The following AGBL1 variants were observed in gnomAD, a reference collection of about 807,000 sequenced individuals.
The protein encoded by AGBL1 is cytosolic carboxypeptidase 4.
Under a neutral mutation model 118.9 loss-of-function variants are expected in AGBL1, and 130 were observed. The ratio of observed to expected loss-of-function variants is 1.09; its 90% CI spans 0.95 to 1.26. The LOEUF is 1.26. Among genes scored for constraint, AGBL1 ranks in the 50% most tolerant of loss-of-function variants. The pLI is 0.00. For missense variants in AGBL1, 1,584 were observed against 1,298.1 expected, an observed-to-expected ratio of 1.22 and a Z score of -3.38; for synonymous variants, 555 against 478.9, an observed-to-expected ratio of 1.16 and a Z score of -2.08.
At chr15:86,980,212 T>C (rs1203944429) in intron 23 of AGBL1, among the ~76,000 whole-genome samples, 1 of 152,212 alleles carries the variant, frequency 6.6e-6, no homozygotes, top group Non-Finnish European at 1.5e-5. Context: ...TATCCAATAT[T>C]CTCTGAATAA....
intron 18 of AGBL1, among the ~76,000 whole-genome samples, chr15:86,417,824 A>G (rs544238850): frequency 6.6e-6 from 1 of 152,338 alleles, no homozygotes; most frequent in Admixed American, 6.5e-5. Context: ...GATGACCACC[A>G]TTATTATTCT....
intron 18 of AGBL1, among the ~76,000 whole-genome samples, chr15:86,506,976 C>G (rs1440037566): frequency 6.6e-6 from 1 of 151,756 alleles, no homozygotes; most frequent in East Asian, 1.9e-4. Context: ...CTATGTTTAG[C>G]TTGAAGTGTA....
intron 22 of AGBL1, among the ~76,000 whole-genome samples, chr15:86,747,952 A>T (rs2077782148): frequency 6.6e-6 from 1 of 152,182 alleles, no homozygotes; most frequent in Non-Finnish European, 1.5e-5. Context: ...TGTGCATGTG[A>T]CTTTATAGCA....
At chr15:86,923,674 A>C (rs992875619) in intron 23 of AGBL1, among the ~76,000 whole-genome samples, 4 of 152,218 alleles carry the variant, frequency 2.6e-5, no homozygotes, top group African/African-American at 9.6e-5. Context: ...CTATTCCCTG[A>C]AAGCAAGGTT....
At chr15:86,251,660 C>G (rs2078817620) in intron 7 of AGBL1, among the ~76,000 whole-genome samples, 1 of 152,006 alleles carries the variant, frequency 6.6e-6, no homozygotes, top group Admixed American at 6.5e-5. Flanking sequence ...TCTCTGTTTC[C>G]TGAGTCTCAC....
At chr15:86,180,593 A>T (rs2077538731) in intron 5 of AGBL1, among the ~76,000 whole-genome samples, 1 of 152,114 alleles carries the variant, frequency 6.6e-6, no homozygotes, top group African/African-American at 2.4e-5. Flanking sequence ...CACAGAGGAA[A>T]ACCTTTGTGA....
chr15:86,895,397 G>GT (rs552572051), intron 22 of AGBL1, among the ~76,000 whole-genome samples: 8,212 of 142,426 alleles, frequency 0.058, 330 homozygotes, highest in East Asian at 0.25. Context: ...GACATGTTTA[G>GT]TTTTTTTTTT....
intron 22 of AGBL1, among the ~76,000 whole-genome samples, chr15:86,830,719 G>A (rs532952929): frequency 1.5e-3 from 231 of 152,242 alleles, no homozygotes; most frequent in African/African-American, 5.3e-3. Context: ...TATTCTGAAC[G>A]TCTTTTATCC....
chr15:86,234,001 T>C (rs1366088372), intron 6 of AGBL1, among the ~76,000 whole-genome samples: 1 of 152,168 alleles, frequency 6.6e-6, no homozygotes, highest in South Asian at 2.1e-4. Context: ...ACAAAACTCT[T>C]GGTCACATAA....
At chr15:86,670,139 A>AT (rs2142539054) in intron 21 of AGBL1, among the ~76,000 whole-genome samples, 1 of 152,216 alleles carries the variant, frequency 6.6e-6, no homozygotes, top group Admixed American at 6.5e-5. Flanking sequence ...TTTTATGCCT[A>AT]TAGCTTCCCT....
intron 4 of AGBL1, among the ~76,000 whole-genome samples, chr15:86,158,091 T>G (rs1210177620): frequency 6.6e-6 from 1 of 152,210 alleles, no homozygotes; most frequent in Non-Finnish European, 1.5e-5. Context: ...TGGGCAGGAC[T>G]AGGATGCCAA....
intron 21 of AGBL1, among the ~76,000 whole-genome samples, chr15:86,597,870 G>A (rs1055614430): frequency 3.3e-5 from 5 of 152,058 alleles, no homozygotes; most frequent in Non-Finnish European, 7.4e-5. Context: ...TGATTGGTTT[G>A]GGGAGGATTT....
At chr15:86,847,151 A>T (rs1014144109) in intron 22 of AGBL1, among the ~76,000 whole-genome samples, 8 of 152,126 alleles carry the variant, frequency 5.3e-5, no homozygotes, top group Admixed American at 5.2e-4. Context: ...ATTGAAATTA[A>T]TCATATTTCT....
At chr15:86,498,513 A>G (rs889950568) in intron 18 of AGBL1, among the ~76,000 whole-genome samples, 1 of 152,016 alleles carries the variant, frequency 6.6e-6, no homozygotes, top group Non-Finnish European at 1.5e-5. Flanking sequence ...TTTTTCTCCC[A>G]GATTTGTCAC....
chr15:86,999,365 TC>T (rs1038916583), intron 24 of AGBL1, among the ~76,000 whole-genome samples: 1 of 137,046 alleles, frequency 7.3e-6, no homozygotes, highest in Non-Finnish European at 1.6e-5. Flanking sequence ...ATGCTATCCC[TC>T]CCCCCTGCCA....
At chr15:86,208,100 C>T (rs929179928) in intron 5 of AGBL1, among the ~76,000 whole-genome samples, 4 of 151,862 alleles carry the variant, frequency 2.6e-5, no homozygotes, top group Non-Finnish European at 5.9e-5. Context: ...GTCATTGGTT[C>T]TGTTTATGTG....
chr15:86,754,180 A>C (rs1022525338), intron 22 of AGBL1, among the ~76,000 whole-genome samples: 2 of 152,114 alleles, frequency 1.3e-5, no homozygotes, highest in African/African-American at 4.8e-5. Context: ...AAAATTATCA[A>C]CAAATTTAAG....
intron 5 of AGBL1, among the ~76,000 whole-genome samples, chr15:86,161,158 C>T (rs1597476434): frequency 6.6e-6 from 1 of 152,172 alleles, no homozygotes; most frequent in African/African-American, 2.4e-5. Context: ...GGATTCCAGG[C>T]ATATTTCTAC....
chr15:86,976,330 C>G (rs945268473), intron 23 of AGBL1, among the ~76,000 whole-genome samples: 1 of 151,346 alleles, frequency 6.6e-6, no homozygotes, highest in Non-Finnish European at 1.5e-5. Context: ...TTTATTACAA[C>G]TTAGAAATAT....
Sources: allele counts gnomAD v4.1 joint callset (sites outside exome capture counted in the v4.1 genomes callset), GRCh38; gene constraint gnomAD v4.1.1; transcripts MANE v1.5; gene names NCBI Gene and HGNC (gene_info 2026-07-23, HGNC 2026-07-21).